SFTPA1: variants seen among roughly 807,000 people sequenced by gnomAD.
The protein encoded by SFTPA1 is surfactant protein A1, also known as pulmonary surfactant-associated protein A1.
Under a neutral mutation model 19.1 loss-of-function variants are expected in SFTPA1, and 13 were observed. The ratio of observed to expected loss-of-function variants is 0.68; its 90% CI spans 0.44 to 1.08. The LOEUF is 1.08. SFTPA1 is among the 50% of genes least tolerant of loss of function. The pLI, the probability that SFTPA1 is intolerant of heterozygous loss-of-function variation, is 0.00. For missense variants in SFTPA1, 259 were observed against 316.4 expected (o/e 0.82, Z 1.38); for synonymous variants, 101 against 117.0 (o/e 0.86, Z 0.88).
Position 79,614,136 on chromosome 10 carries a change from G to T in SFTPA1, c.*23G>T, listed in dbSNP as rs1860032395. 1 of 1,614,252 alleles carries T rather than the reference G, an allele frequency of 6.2e-7. No individual in the cohort carries two copies. On this transcript the variant is annotated 3_prime_UTR_variant, in exon 6 of 6. Transcript: ENST00000398636. Reference sequence around the variant, plus strand: ...TGAGAGGCATTTAGGCCATGGGACAGGGAGGACGCTCTCTGGCCTTCGGCC... The same window carrying T: ...TGAGAGGCATTTAGGCCATGGGACATGGAGGACGCTCTCTGGCCTTCGGCC...
In SFTPA1 at chr10:79,614,991, C is replaced by G. The variant is rs988116870; in HGVS notation, c.*878C>G. 2.3e-6 allele frequency: 3 copies of G among 1,304,704 alleles called. No individual in the cohort carries two copies. Among genetic ancestry groups the G allele is most frequent in the African/African-American group, 3.0e-5 (2 of 65,812 alleles). 80.8% of individuals were successfully genotyped at this position (1,304,704 alleles called of 1,614,324 possible). The stretch of plus-strand genomic sequence containing the variant: ...TCACGTGCCAGGTCTTAGGATATGT[C>G]GTGGGGTGGGCAAGGTAATCAGTGA... On this transcript the variant is annotated 3_prime_UTR_variant, in exon 6 of 6. Transcript: ENST00000398636.
chr10:79,614,685 T>A lies in SFTPA1; in HGVS notation c.*572T>A. 1 of 285,918 alleles carries A rather than the reference T, an allele frequency of 3.5e-6. No individual in the cohort carries two copies. Among genetic ancestry groups the A allele is most frequent in the South Asian group, 3.9e-5 (1 of 25,842 alleles). The allele number at this position is 285,918 out of a possible 1,614,324, so 17.7% of individuals were successfully genotyped here. On this transcript the variant is annotated 3_prime_UTR_variant, in exon 6 of 6. Transcript: ENST00000398636. ...TCCATGAGGTTAGAAGGCCAGGTAGTGTTCCAGCAGGGTGGTGGCCAAGCC... is the reference window on the plus strand; with the variant it reads ...TCCATGAGGTTAGAAGGCCAGGTAGAGTTCCAGCAGGGTGGTGGCCAAGCC...
chr10:79,613,382 G>A, intron 5 of SFTPA1, 116 bp downstream of exon 5: 1 of 1,494,442 alleles, frequency 6.7e-7, no homozygotes, highest in Admixed American at 1.7e-5. Flanking sequence ...CAGGTCTTGG[G>A]GAAAGGAATG....
Position 79,611,387 on chromosome 10 carries a change from T to C in SFTPA1, c.-26T>C. 1 of 580,038 alleles carries C rather than the reference T, an allele frequency of 1.7e-6. No homozygotes were observed. Among genetic ancestry groups the C allele is most frequent in the South Asian group, 2.3e-5 (1 of 44,124 alleles). 35.9% of individuals were successfully genotyped at this position (580,038 alleles called of 1,614,324 possible). A position where few individuals can be genotyped will look rare whatever the true frequency, so the allele number is the denominator to read the frequency against. On this transcript the variant is annotated splice_region_variant and 5_prime_UTR_variant, in exon 2 of 6. An upstream open reading frame in the 5' UTR loses its in-frame stop. Transcript: ENST00000398636. Reference sequence around the variant, plus strand: ...GATGAGGACAGATGGTGTGAGTCAGTGAGTGAGTGACCTGACTAATAGCCT... The same window carrying C: ...GATGAGGACAGATGGTGTGAGTCAGCGAGTGAGTGACCTGACTAATAGCCT...
chr10:79,611,387 T>A lies in SFTPA1; in HGVS notation c.-26T>A, dbSNP rs972654611. 6.9e-6 allele frequency: 4 copies of A among 579,920 alleles called. No homozygotes were observed. The highest frequency in any genetic ancestry group is 9.1e-6 in the Non-Finnish European group (3 of 328,220). The allele number at this position is 579,920 out of a possible 1,614,324, so 35.9% of individuals were successfully genotyped here. A position where few individuals can be genotyped will look rare whatever the true frequency, so the allele number is the denominator to read the frequency against. ...GATGAGGACAGATGGTGTGAGTCAG[T>A]GAGTGAGTGACCTGACTAATAGCCT... On this transcript the variant is annotated splice_region_variant and 5_prime_UTR_variant, in exon 2 of 6. It removes the in-frame stop codon of an upstream open reading frame in the 5' UTR. Coordinates refer to ENST00000398636, the MANE Select transcript of SFTPA1 (RefSeq NM_005411.5).
rs777019890 is a variant in SFTPA1, at chr10:79,615,020, T to C, written c.*907T>C. ...GGGTGGGCAAGGTAATCAGTGACAG[T>C]TGAAGATTTTTTTTTCCCAGAGCTT... On this transcript the variant is annotated 3_prime_UTR_variant, in exon 6 of 6. Transcript: ENST00000398636. 31 of 1,305,166 alleles carry C rather than the reference T, an allele frequency of 2.4e-5. No individual in the cohort carries two copies. The highest frequency in any genetic ancestry group is 9.2e-5 in the Admixed American group (4 of 43,530). 80.8% of individuals were successfully genotyped at this position (1,305,166 alleles called of 1,614,324 possible).
chr10:79,615,253 T>C lies in SFTPA1; in HGVS notation c.*1140T>C. The C allele has an allele frequency of 5.1e-6, 2 of 392,028 alleles. No individual in the cohort carries two copies. Among genetic ancestry groups the C allele is most frequent in the South Asian group, 5.5e-5 (2 of 36,264 alleles). 24.3% of individuals were successfully genotyped at this position (392,028 alleles called of 1,614,324 possible). A position where few individuals can be genotyped will look rare whatever the true frequency, so the allele number is the denominator to read the frequency against. ...TTTACACAATGTCACGGGACCAGTA[T>C]TGTTTCCTCATTTTTTATAAGGACA... is the stretch of plus-strand genomic sequence containing the variant. On this transcript the variant is annotated 3_prime_UTR_variant, in exon 6 of 6. Transcript: ENST00000398636.
chr10:79,612,755 G>C (rs192647495), intron 4 of SFTPA1, among the ~76,000 whole-genome samples: 74 of 152,214 alleles, frequency 4.9e-4, no homozygotes, highest in African/African-American at 1.7e-3. Flanking sequence ...CTGTCTGAAG[G>C]GTGAATGCGG....
At position 79,614,138 on chromosome 10, in the gene SFTPA1, G is replaced by T. The variant is rs780452317; in HGVS notation, c.*25G>T. On this transcript the variant is annotated 3_prime_UTR_variant, in exon 6 of 6. Coordinates refer to ENST00000398636, the MANE Select transcript of SFTPA1 (RefSeq NM_005411.5). ...AGAGGCATTTAGGCCATGGGACAGGGAGGACGCTCTCTGGCCTTCGGCCTC... is the reference window on the plus strand; with the variant it reads ...AGAGGCATTTAGGCCATGGGACAGGTAGGACGCTCTCTGGCCTTCGGCCTC... 54 of 1,614,254 alleles carry T rather than the reference G, an allele frequency of 3.3e-5. No homozygotes were observed. The highest frequency in any genetic ancestry group is 4.5e-5 in the Non-Finnish European group (53 of 1,180,042).
Position 79,613,420 on chromosome 10 carries a change from G to A in SFTPA1, c.370+154G>A, listed in dbSNP as rs545788838. 6.6e-4 allele frequency among the ~76,000 whole-genome samples: 101 copies of A among 152,286 alleles called. 1 individual carries two copies. The highest frequency in any genetic ancestry group is 2.3e-3 in the African/African-American group (96 of 41,548). On this transcript the variant is annotated intron_variant, in intron 5 of 5. Coordinates refer to ENST00000398636, the MANE Select transcript of SFTPA1 (RefSeq NM_005411.5). Reference sequence around the variant, plus strand: ...GCTTGCTTTTCTGATGTCTTTGAATGGCCCAGAGGAGACAGAAGCAGACAC... The same window carrying A: ...GCTTGCTTTTCTGATGTCTTTGAATAGCCCAGAGGAGACAGAAGCAGACAC...
intron 3 of SFTPA1, 77 bp downstream of exon 3, chr10:79,612,074 G>T: frequency 6.3e-7 from 1 of 1,589,244 alleles, no homozygotes; most frequent in Non-Finnish European, 8.6e-7. Flanking sequence ...CAGGCCCCTA[G>T]GCTGTGGGCC....
At position 79,614,903 on chromosome 10, in the gene SFTPA1, C is replaced by A. The variant is rs1274227761; in HGVS notation, c.*790C>A. On this transcript the variant is annotated 3_prime_UTR_variant, in exon 6 of 6. Transcript: ENST00000398636. Reference sequence around the variant, plus strand: ...TTCAGTGGGCATTCACACCACCCCCCACACCACTGGCTCTGCTTTCTCCTT... The same window carrying A: ...TTCAGTGGGCATTCACACCACCCCCAACACCACTGGCTCTGCTTTCTCCTT... The A allele has an allele frequency of 3.8e-6, 4 of 1,047,684 alleles. No individual in the cohort carries two copies. Among genetic ancestry groups the A allele is most frequent in the Non-Finnish European group, 5.2e-6 (4 of 773,546 alleles). 64.9% of individuals were successfully genotyped at this position (1,047,684 alleles called of 1,614,324 possible).
rs1241729608 is a variant in SFTPA1, at chr10:79,614,348, C to A, written c.*235C>A. The A allele has an allele frequency of 3.0e-6, 2 of 662,740 alleles. No homozygotes were observed. Among genetic ancestry groups the A allele is most frequent in the Non-Finnish European group, 5.0e-6 (2 of 396,798 alleles). The allele number at this position is 662,740 out of a possible 1,614,324, so 41.1% of individuals were successfully genotyped here. ...AACTCTCCCAGCACTGCACCCCAGG[C>A]AGCCACTCTTAGCCTTGGCCTTCGA... On this transcript the variant is annotated 3_prime_UTR_variant, in exon 6 of 6. Coordinates refer to ENST00000398636, the MANE Select transcript of SFTPA1 (RefSeq NM_005411.5).
Position 79,611,336 on chromosome 10 carries a change from G to C in SFTPA1, c.-77G>C. 2.5e-6 allele frequency: 1 copy of C among 406,110 alleles called. No homozygotes were observed. The highest frequency in any genetic ancestry group is 4.4e-6 in the Non-Finnish European group (1 of 227,038). 25.2% of individuals were successfully genotyped at this position (406,110 alleles called of 1,614,324 possible). On this transcript the variant is annotated 5_prime_UTR_variant, in exon 2 of 6. Coordinates refer to ENST00000398636, the MANE Select transcript of SFTPA1 (RefSeq NM_005411.5). Reference sequence around the variant, plus strand: ...ATTCTCAGGTCGCTGATTTCTTGGAGCCTGAAAAGAAAGTAACACAGCAGG... The same window carrying C: ...ATTCTCAGGTCGCTGATTTCTTGGACCCTGAAAAGAAAGTAACACAGCAGG...
rs754387636 is a variant in SFTPA1 at position 79,614,006 on chromosome 10, G to C, written c.640G>C (p.Gly214Arg). The change falls in exon 6 of 6, where the codon GGG becomes CGG. Residue 214 changes from glycine (G) to arginine (R), a missense_variant. Transcript: ENST00000398636. ...TPVNYTNWYR[G>R]EPAGRGKEQC... is the part of the protein sequence containing the mutation. The stretch of plus-strand genomic sequence containing the variant: ...TGTAAACTACACCAACTGGTACCGA[G>C]GGGAGCCCGCAGGTCGGGGAAAAGA... 2 of 1,614,204 alleles carry C rather than the reference G, an allele frequency of 1.2e-6. No individual in the cohort carries two copies. Among genetic ancestry groups the C allele is most frequent in the Non-Finnish European group, 1.7e-6 (2 of 1,180,028 alleles).
At chr10:79,611,713 G>A (rs72659388) in intron 2 of SFTPA1, 90 bp from the exon 3 acceptor site, 1 of 1,607,636 alleles carries the variant, frequency 6.2e-7, no homozygotes, top group Non-Finnish European at 8.5e-7. Flanking sequence ...TGCCTCTCGG[G>A]CTCTGCCCAG....
intron 4 of SFTPA1, 76 bp downstream of exon 4, chr10:79,612,507 G>T (rs1424090041): frequency 1.3e-5 from 21 of 1,597,142 alleles, no homozygotes; most frequent in Middle Eastern, 1.8e-4. Flanking sequence ...GGGATGATGG[G>T]GATCAGACAA....
rs1361055328 is a variant in SFTPA1, at chr10:79,610,987, G to A, written c.-95+5G>A. ...AGCTGGAGGCTCTGTGTGTGGGTGA[G>A]TTTAGCCCCATCCCCTAGGTGTTCT... is the stretch of plus-strand genomic sequence containing the variant. On this transcript the variant is annotated splice_donor_5th_base_variant and intron_variant, in intron 1 of 5. Coordinates refer to ENST00000398636, the MANE Select transcript of SFTPA1 (RefSeq NM_005411.5). 1 of 153,288 alleles carries A rather than the reference G, an allele frequency of 6.5e-6. No individual in the cohort carries two copies. The highest frequency in any genetic ancestry group is 2.4e-5 in the African/African-American group (1 of 41,466). 9.5% of individuals were successfully genotyped at this position (153,288 alleles called of 1,614,324 possible).
chr10:79,611,411 C>A, intron 2 of SFTPA1, 22 bp downstream of exon 2: 1 of 640,854 alleles, frequency 1.6e-6, no homozygotes, highest in Non-Finnish European at 2.7e-6. Context: ...GACTAATAGC[C>A]TGGGAGGGAC....
Sources: gnomAD v4.1 joint callset for allele counts (sites outside exome capture counted in the v4.1 genomes callset) on GRCh38, gnomAD v4.1.1 for gene constraint, MANE v1.5 for transcripts, NCBI Gene and HGNC (gene_info 2026-07-23, HGNC 2026-07-21) for gene names.